CAMKMT: variants seen among roughly 807,000 people sequenced by gnomAD.
The protein encoded by CAMKMT is CaM KMT.
In CAMKMT, 53 loss-of-function variants were observed where a neutral mutation model predicts 48.0. That is an observed-to-expected ratio of 1.10 (90% confidence interval 0.89 to 1.39). The LOEUF is 1.39. CAMKMT is among the 40% of genes most tolerant of loss of function. CAMKMT has a pLI of 0.00. For synonymous variants in CAMKMT, 165 were observed against 152.3 expected, an observed-to-expected ratio of 1.08 and a Z score of -0.61; for missense variants, 428 against 402.7, an observed-to-expected ratio of 1.06 and a Z score of -0.54.
At chr2:44,660,763 A>T (rs1411365925) in intron 3 of CAMKMT, among the ~76,000 whole-genome samples, 1 of 152,084 alleles carries the variant, frequency 6.6e-6, no homozygotes, top group Non-Finnish European at 1.5e-5. Flanking sequence ...ACACACTACC[A>T]TGCCTGGCAA....
At chr2:44,577,915 A>C (rs977079597) in intron 3 of CAMKMT, among the ~76,000 whole-genome samples, 1 of 152,228 alleles carries the variant, frequency 6.6e-6, no homozygotes, top group Non-Finnish European at 1.5e-5. Flanking sequence ...GCCCGTAGAC[A>C]GATCGCCTTT....
chr2:44,497,067 GTTA>G (rs1472051775), intron 3 of CAMKMT, among the ~76,000 whole-genome samples: 1 of 152,134 alleles, frequency 6.6e-6, no homozygotes, highest in Non-Finnish European at 1.5e-5. Context: ...CAGTATGTTA[GTTA>G]TTATTCTTTT....
chr2:44,473,981 A>G (rs1007145268), intron 3 of CAMKMT, among the ~76,000 whole-genome samples: 1 of 152,240 alleles, frequency 6.6e-6, no homozygotes, highest in African/African-American at 2.4e-5. Flanking sequence ...AGCAGCAATT[A>G]CATGATTTAT....
chr2:44,383,461 C>T lies in CAMKMT; in HGVS notation c.312-6780C>T, dbSNP rs1403444829. 3.3e-5 allele frequency among the ~76,000 whole-genome samples: 5 copies of T among 152,192 alleles called. No individual in the cohort carries two copies. The East Asian group carries it at 7.7e-4, about 24-fold the overall frequency. ...TACAGGCATGAGCCACTGCACCTGA[C>T]CCCTTTTTTTAATTTGTAATTTCAA... On this transcript the variant is annotated intron_variant, in intron 2 of 10. Coordinates refer to ENST00000378494, the MANE Select transcript of CAMKMT (RefSeq NM_024766.5).
intron 3 of CAMKMT, among the ~76,000 whole-genome samples, chr2:44,423,579 C>A (rs1414633302): frequency 1.3e-5 from 2 of 152,172 alleles, no homozygotes; most frequent in Admixed American, 1.3e-4. Flanking sequence ...ATAAATAATT[C>A]TGTGAGCCTA....
intron 7 of CAMKMT, among the ~76,000 whole-genome samples, chr2:44,739,907 C>A (rs180964862): frequency 7.9e-4 from 120 of 151,904 alleles, no homozygotes; most frequent in Non-Finnish European, 1.4e-3. Context: ...GAGAAAAGAA[C>A]TGATATAGGA....
chr2:44,450,308 C>G (rs1010497619), intron 3 of CAMKMT, among the ~76,000 whole-genome samples: 1 of 152,098 alleles, frequency 6.6e-6, no homozygotes, highest in African/African-American at 2.4e-5. Context: ...AATGGCATGT[C>G]AGTGGTCACT....
At chr2:44,551,481 A>G (rs1223792661) in intron 3 of CAMKMT, among the ~76,000 whole-genome samples, 1 of 152,126 alleles carries the variant, frequency 6.6e-6, no homozygotes, top group Non-Finnish European at 1.5e-5. Context: ...AAGATGTCAA[A>G]TTTGCCTTCT....
intron 3 of CAMKMT, among the ~76,000 whole-genome samples, chr2:44,586,073 T>C (rs1008296648): frequency 1.3e-5 from 2 of 152,200 alleles, no homozygotes; most frequent in African/African-American, 4.8e-5. Flanking sequence ...GAGAGACCAC[T>C]CTTCAAATCG....
intron 3 of CAMKMT, among the ~76,000 whole-genome samples, chr2:44,693,127 A>G (rs534315552): frequency 6.6e-6 from 1 of 152,190 alleles, no homozygotes; most frequent in South Asian, 2.1e-4. Context: ...CCAAGCCACC[A>G]CCAGCTCTCA....
chr2:44,549,879 GT>G (rs1245235959), intron 3 of CAMKMT: 6 of 344,632 alleles, frequency 1.7e-5, no homozygotes, highest in Non-Finnish European at 3.1e-5. Context: ...TTGGTGTTAT[GT>G]GAAGAGTGTC....
chr2:44,669,097 G>A (rs113497560), intron 3 of CAMKMT, among the ~76,000 whole-genome samples: 18 of 150,940 alleles, frequency 1.2e-4, no homozygotes, highest in Non-Finnish European at 2.5e-4. Context: ...CTTGTTTTTT[G>A]TTTGTTTTTG....
intron 3 of CAMKMT, 24 bp from the exon 4 acceptor site, chr2:44,704,259 G>A: frequency 1.9e-6 from 3 of 1,599,270 alleles, no homozygotes; most frequent in South Asian, 2.3e-5. Flanking sequence ...ATAATCAAAA[G>A]GTTTATCCTC....
At chr2:44,771,798 G>T (rs1681125524) in intron 10 of CAMKMT, among the ~76,000 whole-genome samples, 1 of 152,152 alleles carries the variant, frequency 6.6e-6, no homozygotes, top group African/African-American at 2.4e-5. Flanking sequence ...TCAAAGTGCA[G>T]TTTGGGTATT....
intron 8 of CAMKMT, 49 bp downstream of exon 8, chr2:44,743,745 C>T: frequency 6.8e-7 from 1 of 1,471,818 alleles, no homozygotes; most frequent in Non-Finnish European, 9.5e-7. Flanking sequence ...AATAGCTTTG[C>T]TGGAGTAATT....
intron 3 of CAMKMT, chr2:44,631,616 G>A (rs1672837356): frequency 4.0e-6 from 2 of 496,620 alleles, no homozygotes; most frequent in South Asian, 3.9e-5. Context: ...TGCATTTCTT[G>A]CGGACAGTTG....
At chr2:44,765,599 A>G (rs1196792243) in intron 9 of CAMKMT, among the ~76,000 whole-genome samples, 1 of 151,904 alleles carries the variant, frequency 6.6e-6, no homozygotes, top group Non-Finnish European at 1.5e-5. Context: ...AAAAATCCGC[A>G]TGCATCCAAT....
chr2:44,430,042 A>C (rs1161272392), intron 3 of CAMKMT, among the ~76,000 whole-genome samples: 1 of 151,700 alleles, frequency 6.6e-6, no homozygotes, highest in Non-Finnish European at 1.5e-5. Context: ...TTTTGGGGGG[A>C]AATTATGACT....
chr2:44,438,252 C>T (rs1446820638), intron 3 of CAMKMT, among the ~76,000 whole-genome samples: 2 of 152,192 alleles, frequency 1.3e-5, no homozygotes. Context: ...TAATACTAGA[C>T]TTGCATCTTC....
Sources: gnomAD v4.1 joint callset for allele counts (sites outside exome capture counted in the v4.1 genomes callset) on GRCh38, gnomAD v4.1.1 for gene constraint, MANE v1.5 for transcripts, NCBI Gene and HGNC (gene_info 2026-07-23, HGNC 2026-07-21) for gene names.